Variants in FRMD6 observed in about 807,000 individuals in gnomAD.
FRMD6 encodes FERM domain-containing protein 6.
FRMD6 carries 37 observed loss-of-function variants against 73.2 expected under a neutral mutation model. That is an observed-to-expected ratio of 0.51 (90% CI 0.39 to 0.66). The LOEUF is 0.66. Ranked by LOEUF, FRMD6 falls within the 30% of genes least tolerant of loss-of-function variation. The pLI, the probability that FRMD6 is intolerant of heterozygous loss-of-function variation, is 0.00. For synonymous variants in FRMD6, 273 were observed against 282.2 expected, an observed-to-expected ratio of 0.97 and a Z score of 0.33; for missense variants, 714 against 780.5, an observed-to-expected ratio of 0.91 and a Z score of 1.02.
chr14:51,571,351 G>T (rs559178046), intron 2 of FRMD6, among the ~76,000 whole-genome samples: 1 of 152,294 alleles, frequency 6.6e-6, no homozygotes, highest in African/African-American at 2.4e-5. Context: ...GCAAAGGATT[G>T]TGTCGTCCTT....
At chr14:51,593,225 A>T (rs1228568163) in intron 2 of FRMD6, among the ~76,000 whole-genome samples, 2 of 152,152 alleles carry the variant, frequency 1.3e-5, no homozygotes, top group Non-Finnish European at 2.9e-5. Context: ...GGACTCTATA[A>T]CACTGCCCCA....
the FRMD6 span, among the ~76,000 whole-genome samples, chr14:51,408,281 C>T: frequency 4.9e-3 from 748 of 152,024 alleles, 5 homozygotes; most frequent in African/African-American, 0.017. Context: ...CACCTCAGCA[C>T]CCCTAGTAGC....
chr14:51,651,073 C>G (rs1046617005), upstream of FRMD6: 3 of 152,862 alleles, frequency 2.0e-5, no homozygotes, highest in Non-Finnish European at 4.4e-5. Context: ...TGGCTTGATT[C>G]CTTGTGCTAT....
intron 1 of FRMD6, among the ~76,000 whole-genome samples, chr14:51,657,124 G>C (rs748200226): frequency 2.0e-5 from 3 of 152,156 alleles, no homozygotes; most frequent in Non-Finnish European, 4.4e-5. Flanking sequence ...TAGCTTTTCA[G>C]ATGATTTTTC....
chr14:51,709,702 T>C (rs1386555984), intron 7 of FRMD6, among the ~76,000 whole-genome samples: 5 of 152,180 alleles, frequency 3.3e-5, no homozygotes, highest in African/African-American at 1.2e-4. Context: ...GAGATTTTAT[T>C]TGTGACACCT....
At chr14:51,692,469 G>A (rs936816153) in intron 2 of FRMD6, among the ~76,000 whole-genome samples, 22 of 71,546 alleles carry the variant, frequency 3.1e-4, no homozygotes, top group African/African-American at 1.1e-3. Context: ...TTTACGTGGT[G>A]CAATGTGTGT....
intron 7 of FRMD6, 199 bp downstream of exon 7, chr14:51,708,432 C>T (rs527733588): frequency 3.7e-5 from 19 of 514,376 alleles, no homozygotes; most frequent in South Asian, 3.0e-4. Context: ...GGCCTGGAAG[C>T]GGGGTGGAGT....
At chr14:51,447,744 A>C in the FRMD6 span, among the ~76,000 whole-genome samples, 97 of 151,350 alleles carry the variant, frequency 6.4e-4, no homozygotes, top group East Asian at 0.016. Context: ...CTGTCTCCTC[A>C]CTCCCCAGCT....
At chr14:51,698,675 A>T (rs1458662720) in intron 3 of FRMD6, among the ~76,000 whole-genome samples, 1 of 151,976 alleles carries the variant, frequency 6.6e-6, no homozygotes, top group Non-Finnish European at 1.5e-5. Flanking sequence ...AGTAATTATT[A>T]ATTTAATCTT....
chr14:51,456,941 A>C, the FRMD6 span, among the ~76,000 whole-genome samples: 1 of 152,158 alleles, frequency 6.6e-6, no homozygotes, highest in Non-Finnish European at 1.5e-5. Context: ...AATCTAAAAA[A>C]GTTGATCTCA....
the FRMD6 span, among the ~76,000 whole-genome samples, chr14:51,414,648 G>T: frequency 2.0e-5 from 3 of 152,044 alleles, no homozygotes; most frequent in Admixed American, 2.0e-4. Flanking sequence ...CTCTTTTTTG[G>T]TTTCATATGA....
At chr14:51,489,536 T>C (rs1389741864) in intron 1 of FRMD6, 1 of 152,334 alleles carries the variant, frequency 6.6e-6, no homozygotes, top group East Asian at 1.9e-4. Context: ...TTAAATAATT[T>C]GATTTGTCTG....
intron 7 of FRMD6, 118 bp downstream of exon 7, chr14:51,708,351 T>G: frequency 1.0e-6 from 1 of 993,808 alleles, no homozygotes; most frequent in East Asian, 2.6e-5. Context: ...TTTACATGCT[T>G]TTAAAAGAGT....
intron 1 of FRMD6, among the ~76,000 whole-genome samples, chr14:51,514,568 C>G (rs1239956973): frequency 1.3e-5 from 2 of 152,078 alleles, no homozygotes; most frequent in Non-Finnish European, 2.9e-5. Flanking sequence ...TACAATTGGG[C>G]CAGGTGCCGT....
intron 2 of FRMD6, among the ~76,000 whole-genome samples, chr14:51,605,402 ATTAT>A (rs1260179665): frequency 5.9e-5 from 9 of 152,040 alleles, no homozygotes; most frequent in Non-Finnish European, 1.2e-4. Context: ...TTTGCATTAC[ATTAT>A]TTATTCCAAT....
chr14:51,521,493 A>G (rs1404475246), intron 1 of FRMD6, among the ~76,000 whole-genome samples: 2 of 152,148 alleles, frequency 1.3e-5, no homozygotes, highest in African/African-American at 4.8e-5. Context: ...ATGTACTTAA[A>G]TCTCTAGAAA....
chr14:51,572,356 G>A (rs1888176832), intron 2 of FRMD6, among the ~76,000 whole-genome samples: 1 of 152,230 alleles, frequency 6.6e-6, no homozygotes, highest in Admixed American at 6.5e-5. Flanking sequence ...TATTTCAGGA[G>A]AAGGAACTTT....
the FRMD6 span, among the ~76,000 whole-genome samples, chr14:51,399,503 C>T: frequency 0.39 from 59,715 of 152,018 alleles, 12,467 homozygotes; most frequent in African/African-American, 0.54. Context: ...AAATATCTGA[C>T]TATTAGAATA....
chr14:51,699,118 T>G (rs1211003422), intron 3 of FRMD6, among the ~76,000 whole-genome samples: 1 of 152,080 alleles, frequency 6.6e-6, no homozygotes, highest in African/African-American at 2.4e-5. Flanking sequence ...CAGTATAAAG[T>G]TGGTCAGCTG....
Sources: gnomAD v4.1 joint callset for allele counts (sites outside exome capture counted in the v4.1 genomes callset) on GRCh38, gnomAD v4.1.1 for gene constraint, MANE v1.5 for transcripts, NCBI Gene and HGNC (gene_info 2026-07-23, HGNC 2026-07-21) for gene names.